Variants in TXNRD2 observed in about 807,000 individuals in gnomAD.
TXNRD2 encodes thioredoxin reductase 2, mitochondrial.
TXNRD2 carries 67 observed loss-of-function variants against 70.8 expected under a neutral mutation model. The ratio of observed to expected loss-of-function variants is 0.95; its 90% CI spans 0.78 to 1.16. The LOEUF (loss-of-function observed/expected upper bound fraction) is 1.16. Among genes scored for constraint, TXNRD2 ranks in the 50% most tolerant of loss-of-function variants. The pLI is 0.00. For missense variants in TXNRD2, 644 were observed against 719.9 expected (o/e 0.89, Z 1.21); for synonymous variants, 301 against 295.8 (o/e 1.02, Z -0.18).
In TXNRD2 at chr22:19,876,968, A is replaced by C. The variant is rs1322699840; in HGVS notation, c.*65+72T>G. ...GTAGCCTTGCTGTACACCTGGAGGG[A>C]GCCCATGGCCAGGGCTCCTGCACCC... On this transcript the variant is annotated intron_variant, in intron 17 of 17. Transcript: ENST00000400521. The C allele has an allele frequency of 3.6e-6, 4 of 1,114,650 alleles. No individual in the cohort carries two copies. In the East Asian group the frequency reaches 8.1e-5, roughly 22 times the overall value. The allele number at this position is 1,114,650 out of a possible 1,614,324, so 69.0% of individuals were successfully genotyped here.
chr22:19,931,301 CGT>C (rs1473851451), intron 1 of TXNRD2, among the ~76,000 whole-genome samples: 3 of 152,202 alleles, frequency 2.0e-5, no homozygotes, highest in Non-Finnish European at 4.4e-5. Context: ...TGGCCGTGGG[CGT>C]GTGTGATCAT....
At chr22:19,877,927 T>C (rs896523689) in intron 16 of TXNRD2, among the ~76,000 whole-genome samples, 163 bp downstream of exon 16, 10 of 152,058 alleles carry the variant, frequency 6.6e-5, no homozygotes, top group Non-Finnish European at 5.9e-5. Context: ...CTTGTCCCCC[T>C]AAAACCCGCC....
intron 11 of TXNRD2, chr22:19,894,321 T>C (rs1396214300): frequency 6.6e-6 from 1 of 152,206 alleles, no homozygotes; most frequent in Non-Finnish European, 1.5e-5. Flanking sequence ...GTTCTAGAGA[T>C]GGATGGTCAT....
At chr22:19,925,081 G>A (rs769450330) in intron 2 of TXNRD2, among the ~76,000 whole-genome samples, 11 of 151,002 alleles carry the variant, frequency 7.3e-5, no homozygotes, top group East Asian at 3.9e-4. Flanking sequence ...TCAGGAGATC[G>A]AGACCATCCT....
chr22:19,915,976 A>C lies in TXNRD2; in HGVS notation c.450-133T>G, dbSNP rs1000693363. ...CTGGTGCTGTGGCTCAGATGGACCA[A>C]GAGGTAAGCGGCAACCATGCTGAGA... On this transcript the variant is annotated intron_variant, in intron 5 of 17. Transcript: ENST00000400521. 4.5e-5 allele frequency: 35 copies of C among 785,866 alleles called. 1 individual carries two copies. In the South Asian group the frequency reaches 5.1e-4, roughly 12 times the overall value. The allele number at this position is 785,866 out of a possible 1,614,324, so 48.7% of individuals were successfully genotyped here.
chr22:19,876,030 C>T (rs1026477553), intron 17 of TXNRD2: 3 of 152,278 alleles, frequency 2.0e-5, no homozygotes, highest in African/African-American at 7.2e-5. Context: ...AACAAAACAG[C>T]TCTGGGAGGT....
rs1940803412 is a variant in TXNRD2 at position 19,919,537 on chromosome 22, G to T, written c.229+6C>A. On this transcript the variant is annotated splice_donor_region_variant and intron_variant, in intron 3 of 17. Transcript: ENST00000400521. ...GGACACCCGGCTCCCATAGGGTGCT[G>T]CCTACCTTGGGGAGAAGGTTCCACG... The T allele has an allele frequency of 1.3e-6, 2 of 1,557,864 alleles. No homozygotes were observed. Among genetic ancestry groups the T allele is most frequent in the East Asian group, 2.4e-5 (1 of 40,998 alleles).
intron 8 of TXNRD2, 106 bp downstream of exon 8, chr22:19,911,271 A>G: frequency 1.1e-6 from 1 of 945,872 alleles, no homozygotes; most frequent in Non-Finnish European, 1.7e-6. Context: ...TTTTGGGTAA[A>G]CCGGAAAGAA....
intron 12 of TXNRD2, among the ~76,000 whole-genome samples, chr22:19,883,107 CT>C (rs1488226632): frequency 2.0e-5 from 3 of 152,254 alleles, no homozygotes; most frequent in Admixed American, 1.3e-4. Context: ...ACCATCCACA[CT>C]CCCACCACAG....
In TXNRD2 at chr22:19,918,822, A is replaced by C. The variant is rs747906241; in HGVS notation, c.374+38T>G. On this transcript the variant is annotated intron_variant, in intron 4 of 17. Coordinates refer to ENST00000400521, the MANE Select transcript of TXNRD2 (RefSeq NM_006440.5). ...CTCTTCCTCTTCCACCCAAGAGTAGAAGAAAAGCACTGGAATGCCACGGCG... is the reference window on the plus strand; with the variant it reads ...CTCTTCCTCTTCCACCCAAGAGTAGCAGAAAAGCACTGGAATGCCACGGCG... The C allele has an allele frequency of 1.4e-5, 22 of 1,600,994 alleles. No individual in the cohort carries two copies. In the South Asian group the frequency reaches 2.4e-4, roughly 18 times the overall value.
intron 10 of TXNRD2, among the ~76,000 whole-genome samples, chr22:19,896,805 A>T (rs1939528315): frequency 6.6e-6 from 1 of 152,058 alleles, no homozygotes; most frequent in Non-Finnish European, 1.5e-5. Context: ...CGTGTGTGGG[A>T]GTCTGGCCCG....
At chr22:19,897,779 G>A (rs1939575381) in intron 10 of TXNRD2, among the ~76,000 whole-genome samples, 1 of 152,200 alleles carries the variant, frequency 6.6e-6, no homozygotes, top group African/African-American at 2.4e-5. Context: ...CCGGCACAAG[G>A]CTGGGCTGAG....
At chr22:19,897,938 C>T (rs1939584623) in intron 10 of TXNRD2, 101 bp downstream of exon 10, 2 of 865,218 alleles carry the variant, frequency 2.3e-6, no homozygotes, top group Non-Finnish European at 3.6e-6. Flanking sequence ...AAGATTCAGG[C>T]ATCACTCGTG....
At chr22:19,876,205 G>T (rs113206516) in intron 17 of TXNRD2, 10,379 of 152,292 alleles carry the variant, frequency 0.068, 470 homozygotes, top group Middle Eastern at 0.11. Context: ...CCTGTCCACA[G>T]GCATCTTGGG....
intron 13 of TXNRD2, 65 bp from the exon 14 acceptor site, chr22:19,880,336 G>T: frequency 6.7e-7 from 1 of 1,497,118 alleles, no homozygotes; most frequent in Non-Finnish European, 9.2e-7. Context: ...CCCACTGCAT[G>T]TGACACAAAG....
Position 19,879,342 on chromosome 22 carries a change from G to A in TXNRD2, c.1275+837C>T, listed in dbSNP as rs556083543. ...TGGGTGCCTGCAAGCTGCAGCGGCA[G>A]CAAGATGAAACCGCACCGAAGGCTT... On this transcript the variant is annotated intron_variant, in intron 14 of 17. Transcript: ENST00000400521. 3.3e-5 allele frequency among the ~76,000 whole-genome samples: 5 copies of A among 152,288 alleles called. No homozygotes were observed. The East Asian group carries it at 7.7e-4, about 24-fold the overall frequency.
chr22:19,936,671 C>T (rs1257941754), intron 1 of TXNRD2, among the ~76,000 whole-genome samples: 1 of 152,194 alleles, frequency 6.6e-6, no homozygotes, highest in Admixed American at 6.5e-5. Context: ...ACCCCTGCCA[C>T]TCTGGTTGTG....
chr22:19,933,629 T>A (rs774147668), intron 1 of TXNRD2: 156 of 589,314 alleles, frequency 2.6e-4, no homozygotes, highest in Non-Finnish European at 6.4e-5. Flanking sequence ...TGATAAACAC[T>A]GGCATAGGGC....
At chr22:19,928,183 T>A (rs1006841734) in intron 2 of TXNRD2, among the ~76,000 whole-genome samples, 5 of 151,370 alleles carry the variant, frequency 3.3e-5, no homozygotes, top group Non-Finnish European at 1.5e-5. Context: ...AATACCTAAA[T>A]AAGAGATATA....
Sources: gnomAD v4.1 joint callset for allele counts (sites outside exome capture counted in the v4.1 genomes callset) on GRCh38, gnomAD v4.1.1 for gene constraint, MANE v1.5 for transcripts, NCBI Gene and HGNC (gene_info 2026-07-23, HGNC 2026-07-21) for gene names.